Variants in ARHGEF6 observed in about 807,000 individuals in gnomAD.
ARHGEF6 encodes Rac/Cdc42 guanine nucleotide exchange factor 6.
Under a neutral mutation model 70.3 loss-of-function variants are expected in ARHGEF6, and 9 were observed. The observed-to-expected ratio is 0.13, with a 90% CI of 0.08 to 0.22. The LOEUF is 0.22. ARHGEF6 is among the 10% of genes least tolerant of loss of function. The probability of loss-of-function intolerance (pLI) is 1.00; values close to 1 mark genes in which losing one functional copy is unlikely to be tolerated. For synonymous variants in ARHGEF6, 201 were observed against 207.8 expected, an observed-to-expected ratio of 0.97 and a Z score of 0.28; for missense variants, 470 against 563.0, an observed-to-expected ratio of 0.83 and a Z score of 1.67.
chrX:136,777,595 AG>A (rs2077416347), intron 2 of ARHGEF6, among the ~76,000 whole-genome samples: 1 of 111,377 alleles, frequency 9.0e-6, no homozygotes, highest in South Asian at 3.7e-4. Context: ...CCTACTACTG[AG>A]TATCTACCCA....
chrX:136,712,039 G>A (rs1224182945), intron 7 of ARHGEF6, among the ~76,000 whole-genome samples: 1 of 112,233 alleles, frequency 8.9e-6, no homozygotes, highest in East Asian at 2.8e-4. Flanking sequence ...TTGGAAAAGG[G>A]GAGAATTTTT....
intron 7 of ARHGEF6, among the ~76,000 whole-genome samples, chrX:136,709,069 C>T (rs753435144): frequency 1.8e-5 from 2 of 111,986 alleles, no homozygotes; most frequent in African/African-American, 6.5e-5. Flanking sequence ...GATAAAAATA[C>T]ATCATAGCTG....
At chrX:136,672,260 T>TC in intron 19 of ARHGEF6, 141 bp from the exon 20 acceptor site, 1 of 519,839 alleles carries the variant, frequency 1.9e-6, no homozygotes, top group East Asian at 3.6e-5. Flanking sequence ...CAGAGGACAG[T>TC]CACCCATCAT....
intron 11 of ARHGEF6, 59 bp downstream of exon 11, chrX:136,687,873 C>A (rs1035667550): frequency 3.1e-6 from 3 of 981,368 alleles, no homozygotes; most frequent in Non-Finnish European, 4.4e-6. Context: ...ACACACAAAT[C>A]GCTCTTTCAG....
intron 2 of ARHGEF6, among the ~76,000 whole-genome samples, chrX:136,752,112 A>G (rs1044633981): frequency 8.9e-6 from 1 of 112,543 alleles, no homozygotes; most frequent in African/African-American, 3.2e-5. Flanking sequence ...CTGTATGCGA[A>G]AAGAAATCCT....
chrX:136,762,867 G>C (rs2077277084), intron 2 of ARHGEF6, among the ~76,000 whole-genome samples: 1 of 111,651 alleles, frequency 9.0e-6, no homozygotes, highest in South Asian at 3.7e-4. Context: ...TGGCCAACCA[G>C]GTCAGTCCAT....
chrX:136,721,100 CA>C (rs1245948000), intron 6 of ARHGEF6, among the ~76,000 whole-genome samples: 1 of 111,952 alleles, frequency 8.9e-6, no homozygotes, highest in African/African-American at 3.2e-5. Flanking sequence ...TAATTCCAAT[CA>C]AAATCTCAGT....
intron 6 of ARHGEF6, among the ~76,000 whole-genome samples, chrX:136,729,627 C>G (rs866636093): frequency 8.3e-5 from 9 of 108,565 alleles, no homozygotes; most frequent in Middle Eastern, 9.3e-3. Flanking sequence ...CTCAGGAGTT[C>G]GAGACCAGCC....
chrX:136,672,069 G>T lies in ARHGEF6; in HGVS notation c.2086C>A (p.Leu696Ile), dbSNP rs1283392244. 8.3e-7 allele frequency: 1 copy of T among 1,211,238 alleles called. No homozygotes were observed. Among genetic ancestry groups the T allele is most frequent in the East Asian group, 3.0e-5 (1 of 33,836 alleles). The change falls in exon 20 of 22, where the codon CTC (leucine) becomes ATC (isoleucine). Residue 696 changes from leucine to isoleucine, a missense_variant. Leu to Ile is a conservative substitution (Grantham distance 5). Transcript: ENST00000250617. Reference protein sequence around the residue: ...PQVLLPEEEKLIIEETRSNGQ... With the variant: ...PQVLLPEEEKIIIEETRSNGQ... ...TTGCTTCTGGTTTCTTCAATGATGA[G>T]TTTCTCTTCCTCAGGGAGTAGGACT...
intron 16 of ARHGEF6, 59 bp from the exon 17 acceptor site, chrX:136,678,015 C>T: frequency 1.0e-6 from 1 of 987,151 alleles, no homozygotes; most frequent in Non-Finnish European, 1.4e-6. Context: ...GTTATAATGA[C>T]CAAATCCACT....
intron 9 of ARHGEF6, among the ~76,000 whole-genome samples, chrX:136,696,839 G>A (rs1410522219): frequency 9.1e-6 from 1 of 110,124 alleles, no homozygotes; most frequent in Non-Finnish European, 1.9e-5. Context: ...TGACCAAGTA[G>A]AGAGGCCTCC....
At chrX:136,730,685 T>G (rs2076926290) in intron 6 of ARHGEF6, among the ~76,000 whole-genome samples, 1 of 112,217 alleles carries the variant, frequency 8.9e-6, no homozygotes, top group Non-Finnish European at 1.9e-5. Context: ...ATATATAAGC[T>G]ATTCAATGCA....
chrX:136,727,411 C>CTCTTTCTT (rs1340283160), intron 6 of ARHGEF6, among the ~76,000 whole-genome samples: 1 of 71,554 alleles, frequency 1.4e-5, no homozygotes, highest in Non-Finnish European at 2.5e-5. Context: ...CTCTCTCTCT[C>CTCTTTCTT]TCTTTCTTTC....
chrX:136,757,914 C>G (rs1415260975), intron 2 of ARHGEF6, among the ~76,000 whole-genome samples: 1 of 111,177 alleles, frequency 9.0e-6, no homozygotes, highest in East Asian at 2.8e-4. Flanking sequence ...CCAGAAGCAC[C>G]TGCCCTTTGG....
intron 2 of ARHGEF6, among the ~76,000 whole-genome samples, chrX:136,748,668 T>G (rs1230871902): frequency 9.0e-6 from 1 of 111,675 alleles, no homozygotes; most frequent in Admixed American, 9.5e-5. Context: ...AGAAAACAGA[T>G]TGCATCATTT....
chrX:136,743,824 C>A (rs1457013021), intron 4 of ARHGEF6, 38 bp from the exon 5 acceptor site: 7 of 1,144,277 alleles, frequency 6.1e-6, no homozygotes, highest in Non-Finnish European at 7.2e-6. Context: ...AAGCACTCAT[C>A]TAAATAAGGC....
intron 6 of ARHGEF6, among the ~76,000 whole-genome samples, chrX:136,727,122 T>A (rs748099498): frequency 2.7e-5 from 3 of 111,750 alleles, no homozygotes; most frequent in Non-Finnish European, 5.6e-5. Context: ...GAATCCTACA[T>A]CCTCCATTCA....
At chrX:136,731,812 T>G (rs1421989573) in intron 6 of ARHGEF6, among the ~76,000 whole-genome samples, 3 of 112,557 alleles carry the variant, frequency 2.7e-5, no homozygotes, top group Non-Finnish European at 5.6e-5. Flanking sequence ...ACTGCTGAAT[T>G]TCACCATAAT....
At chrX:136,747,871 A>C (rs1484175056) in intron 2 of ARHGEF6, among the ~76,000 whole-genome samples, 1 of 109,810 alleles carries the variant, frequency 9.1e-6, no homozygotes, top group African/African-American at 3.3e-5. Flanking sequence ...TAAACAGTGC[A>C]TACTCAGACC....
Sources: gnomAD v4.1 joint callset for allele counts (sites outside exome capture counted in the v4.1 genomes callset) on GRCh38, gnomAD v4.1.1 for gene constraint, MANE v1.5 for transcripts, NCBI Gene and HGNC (gene_info 2026-07-23, HGNC 2026-07-21) for gene names.